The following ECM2 variants were observed in gnomAD, a reference collection of about 807,000 sequenced individuals.
ECM2 encodes the protein extracellular matrix protein 2, female organ and adipocyte specific.
In ECM2, 57 loss-of-function variants were observed where a neutral mutation model predicts 67.5. The ratio of observed to expected loss-of-function variants is 0.84; its 90% CI spans 0.68 to 1.05. The LOEUF (loss-of-function observed/expected upper bound fraction) is 1.05. Ranked by LOEUF, ECM2 falls within the 50% of genes least tolerant of loss-of-function variation. The pLI, the probability that ECM2 is intolerant of heterozygous loss-of-function variation, is 0.00. For missense variants in ECM2, 741 were observed against 822.8 expected, an observed-to-expected ratio of 0.90 and a Z score of 1.22; for synonymous variants, 258 against 294.5, an observed-to-expected ratio of 0.88 and a Z score of 1.27.
At chr9:92,528,573 A>G (rs1349638105) in intron 1 of ECM2, among the ~76,000 whole-genome samples, 2 of 152,214 alleles carry the variant, frequency 1.3e-5, no homozygotes, top group African/African-American at 4.8e-5. Context: ...CAAAAAAAAC[A>G]GGTCTCTGGA....
chr9:92,537,661 AAAAAGAAAAG>A (rs151092338), upstream of ECM2, among the ~76,000 whole-genome samples: 20 of 152,272 alleles, frequency 1.3e-4, no homozygotes, highest in East Asian at 3.1e-3. Flanking sequence ...CTACATCTCA[AAAAAGAAAAG>A]AAAAGAAAAG....
rs142608064 is a variant in ECM2, at chr9:92,514,750, C to A, written c.935G>T (p.Gly312Val). The change falls in exon 4 of 10, where the codon GGC becomes GTC. Residue 312 changes from glycine (G) to valine (V), a missense_variant. By Grantham distance (109) the Gly-to-Val change is moderately radical. Coordinates refer to ENST00000344604, the MANE Select transcript of ECM2 (RefSeq NM_001393.4). ...SRSPLPAPPR[G>V]TLRLPSGCSL... Reference sequence around the variant, plus strand: ...GCACCCGCTTGGCAGGCGCAGTGTGCCTCTGGGAGGAGCAGGAAGCGGGGA... The same window carrying A: ...GCACCCGCTTGGCAGGCGCAGTGTGACTCTGGGAGGAGCAGGAAGCGGGGA... 1.1e-4 allele frequency: 179 copies of A among 1,614,080 alleles called. No individual in the cohort carries two copies. The African/African-American group carries it at 2.1e-3, about 19-fold the overall frequency.
chr9:92,507,671 T>C (rs1254053552), intron 6 of ECM2, among the ~76,000 whole-genome samples: 1 of 152,190 alleles, frequency 6.6e-6, no homozygotes, highest in East Asian at 1.9e-4. Context: ...GGTCATCCAC[T>C]AGAGCAGCCT....
chr9:92,535,144 G>T (rs1175535777), intron 1 of ECM2, among the ~76,000 whole-genome samples: 2 of 129,340 alleles, frequency 1.5e-5, no homozygotes, highest in Non-Finnish European at 3.5e-5. Context: ...AATCTAAATA[G>T]ATAGGCACAG....
chr9:92,545,785 A>G, the ECM2 span, among the ~76,000 whole-genome samples: 3 of 152,254 alleles, frequency 2.0e-5, 1 homozygote, highest in Admixed American at 2.0e-4. Flanking sequence ...TATACCAGTC[A>G]GCACTCCGTG....
At chr9:92,552,162 AT>A in the ECM2 span, among the ~76,000 whole-genome samples, 1 of 138,536 alleles carries the variant, frequency 7.2e-6, no homozygotes, top group Admixed American at 7.2e-5. Context: ...GATCTATCAT[AT>A]ATATGTGATA....
intron 2 of ECM2, among the ~76,000 whole-genome samples, chr9:92,519,597 C>G (rs1207357381): frequency 6.6e-6 from 1 of 152,160 alleles, no homozygotes; most frequent in African/African-American, 2.4e-5. Flanking sequence ...GGGACAACAC[C>G]AGCAAGAGAA....
intron 9 of ECM2, among the ~76,000 whole-genome samples, chr9:92,500,302 C>A (rs1846592412): frequency 6.6e-6 from 1 of 152,192 alleles, no homozygotes; most frequent in Admixed American, 6.5e-5. Context: ...CCCACCTCAG[C>A]CTCCTGAGTA....
chr9:92,530,712 AC>A (rs1848699812), intron 1 of ECM2, among the ~76,000 whole-genome samples: 1 of 151,362 alleles, frequency 6.6e-6, no homozygotes, highest in Non-Finnish European at 1.5e-5. Context: ...TTCTTTTTTG[AC>A]TTTTTAGATT....
intron 4 of ECM2, 105 bp from the exon 5 acceptor site, chr9:92,512,231 G>A: frequency 1.6e-6 from 1 of 633,024 alleles, no homozygotes; most frequent in Non-Finnish European, 2.7e-6. Flanking sequence ...TTTGTCTGGA[G>A]GAGAAAGCAA....
At chr9:92,528,141 A>G (rs1409168413) in intron 1 of ECM2, 1 of 152,348 alleles carries the variant, frequency 6.6e-6, no homozygotes, top group African/African-American at 2.4e-5. Flanking sequence ...GGGACTACGT[A>G]TACCTTCCCA....
intron 1 of ECM2, among the ~76,000 whole-genome samples, chr9:92,533,095 G>C (rs994204230): frequency 3.3e-5 from 5 of 151,200 alleles, no homozygotes; most frequent in African/African-American, 1.2e-4. Flanking sequence ...TCAGGAGTTT[G>C]AGACCAGCCT....
chr9:92,526,640 G>A (rs186857912), intron 1 of ECM2, among the ~76,000 whole-genome samples: 5 of 150,750 alleles, frequency 3.3e-5, no homozygotes, highest in Admixed American at 2.6e-4. Context: ...TTTCTGAAAC[G>A]ATTAAAAAAA....
chr9:92,513,510 A>G (rs555489471), intron 4 of ECM2, among the ~76,000 whole-genome samples: 1 of 152,328 alleles, frequency 6.6e-6, no homozygotes, highest in Non-Finnish European at 1.5e-5. Flanking sequence ...ATTTATAGCA[A>G]CTTTATACAT....
intron 6 of ECM2, among the ~76,000 whole-genome samples, chr9:92,508,062 C>G (rs1847110868): frequency 6.6e-6 from 1 of 152,168 alleles, no homozygotes; most frequent in Admixed American, 6.5e-5. Context: ...GAGTGAGGAG[C>G]CACCCCAAGA....
At chr9:92,552,004 G>C in the ECM2 span, among the ~76,000 whole-genome samples, 1 of 138,728 alleles carries the variant, frequency 7.2e-6, no homozygotes, top group African/African-American at 2.6e-5. Flanking sequence ...ATATATATGT[G>C]TATATATATG....
intron 1 of ECM2, 80 bp downstream of exon 1, chr9:92,535,853 A>G (rs1849137815): frequency 2.6e-6 from 1 of 377,590 alleles, no homozygotes; most frequent in African/African-American, 2.1e-5. Flanking sequence ...TCAAGAGTTA[A>G]ACAGTTGTGA....
chr9:92,520,528 G>A (rs949824449), intron 2 of ECM2, among the ~76,000 whole-genome samples: 5 of 152,146 alleles, frequency 3.3e-5, no homozygotes, highest in Non-Finnish European at 7.4e-5. Context: ...TAACAGCATA[G>A]CCACTTTGGA....
the ECM2 span, among the ~76,000 whole-genome samples, chr9:92,544,434 C>T: frequency 6.6e-6 from 1 of 152,124 alleles, no homozygotes; most frequent in Non-Finnish European, 1.5e-5. Flanking sequence ...CACGATTGCA[C>T]CACTGCACTC....
Sources: allele counts gnomAD v4.1 joint callset (sites outside exome capture counted in the v4.1 genomes callset), GRCh38; gene constraint gnomAD v4.1.1; transcripts MANE v1.5; gene names NCBI Gene and HGNC (gene_info 2026-07-23, HGNC 2026-07-21).